The following FREM3 variants were observed in gnomAD, a reference collection of about 807,000 sequenced individuals.
FREM3 encodes the protein FRAS1-related extracellular matrix protein 3.
In FREM3, 105 loss-of-function variants were observed where a neutral mutation model predicts 129.1. The ratio of observed to expected loss-of-function variants is 0.81; its 90% CI spans 0.69 to 0.96. The LOEUF is 0.96. FREM3 is among the 40% of genes least tolerant of loss of function. The probability of loss-of-function intolerance (pLI) is 0.00; values close to 1 mark genes in which losing one functional copy is unlikely to be tolerated. For synonymous variants in FREM3, 1,014 were observed against 1,044.9 expected (o/e 0.97, Z 0.57); for missense variants, 2,593 against 2,666.3 (o/e 0.97, Z 0.61).
chr4:143,638,909 T>A (rs79411919), intron 2 of FREM3, among the ~76,000 whole-genome samples: 1 of 152,308 alleles, frequency 6.6e-6, no homozygotes, highest in South Asian at 2.1e-4. Flanking sequence ...AAGTACATCA[T>A]CTGCCCTTAG....
chr4:143,699,083 G>A lies in FREM3; in HGVS notation c.1593C>T (p.Leu531=). Residue 531 remains leucine (L), a synonymous_variant, in exon 1 of 8, where the codon CTC becomes CTT. Coordinates refer to ENST00000329798, the MANE Select transcript of FREM3 (RefSeq NM_001168235.2). The surrounding 1 kb of genome is among the most constrained non-coding windows in gnomAD (Gnocchi z 4.2). ...CCACAGGTAGGATGGTGAGGGGAAA[G>A]AGGAAGTCCACTTGGTGGTGCCCGT... is the stretch of plus-strand genomic sequence containing the variant. The part of the protein sequence containing the change: ...MEDGHHQVDF[L]FPLTILPVDD... 6.5e-7 allele frequency: 1 copy of A among 1,537,496 alleles called. No individual in the cohort carries two copies. Among genetic ancestry groups the A allele is most frequent in the Non-Finnish European group, 8.7e-7 (1 of 1,146,968 alleles).
chr4:143,652,686 A>G (rs910692212), intron 2 of FREM3, among the ~76,000 whole-genome samples: 1 of 152,146 alleles, frequency 6.6e-6, no homozygotes, highest in East Asian at 1.9e-4. Flanking sequence ...AGGCTGGAGT[A>G]CAGTGCGATC....
intron 7 of FREM3, among the ~76,000 whole-genome samples, chr4:143,580,381 C>T (rs1319071695): frequency 2.0e-5 from 3 of 152,172 alleles, no homozygotes; most frequent in Non-Finnish European, 2.9e-5. Context: ...CACAGTTCTT[C>T]CATGAACCTT....
At chr4:143,642,721 G>A (rs1199885141) in intron 2 of FREM3, among the ~76,000 whole-genome samples, 1 of 152,132 alleles carries the variant, frequency 6.6e-6, no homozygotes, top group Non-Finnish European at 1.5e-5. Context: ...ATAACATTGG[G>A]CTGGGAAAGG....
chr4:143,628,818 C>T (rs534690226), intron 2 of FREM3, among the ~76,000 whole-genome samples: 74 of 152,228 alleles, frequency 4.9e-4, no homozygotes, highest in African/African-American at 1.7e-3. Flanking sequence ...CTTGACATCT[C>T]CTTCTATAGT....
Position 143,604,833 on chromosome 4 carries a change from C to T in FREM3, c.6028+6446G>A, listed in dbSNP as rs188210390. Among the ~76,000 whole-genome samples, 598 of 152,304 alleles carry T rather than the reference C, an allele frequency of 3.9e-3. 10 individuals are homozygous for T. The highest frequency in any genetic ancestry group is 0.014 in the African/African-American group (590 of 41,564). On this transcript the variant is annotated intron_variant, in intron 6 of 7. Coordinates refer to ENST00000329798, the MANE Select transcript of FREM3 (RefSeq NM_001168235.2). ...TACAGAATCTGAATGCAAGTTCCCACAATCCAGTAATTATAAATAATGACT... is the reference window on the plus strand; with the variant it reads ...TACAGAATCTGAATGCAAGTTCCCATAATCCAGTAATTATAAATAATGACT...
chr4:143,582,898 C>CTT (rs35360267), intron 7 of FREM3, among the ~76,000 whole-genome samples: 152 of 147,778 alleles, frequency 1.0e-3, no homozygotes, highest in Middle Eastern at 6.9e-3. Context: ...AATTAATTTA[C>CTT]TTTTTTTTTT....
intron 2 of FREM3, among the ~76,000 whole-genome samples, chr4:143,669,670 ACCAC>A (rs1739932446): frequency 6.6e-6 from 1 of 151,802 alleles, no homozygotes; most frequent in Non-Finnish European, 1.5e-5. Context: ...AAAAAAAAAA[ACCAC>A]AAGTCACCTA....
At chr4:143,614,806 A>G (rs1281195504) in intron 5 of FREM3, among the ~76,000 whole-genome samples, 1 of 152,206 alleles carries the variant, frequency 6.6e-6, no homozygotes, top group African/African-American at 2.4e-5. Flanking sequence ...TATTCCCATC[A>G]TAGCCAACTT....
intron 6 of FREM3, among the ~76,000 whole-genome samples, chr4:143,588,153 A>G (rs1400406455): frequency 1.3e-5 from 2 of 152,120 alleles, no homozygotes; most frequent in Non-Finnish European, 2.9e-5. Context: ...ATACTGCCCA[A>G]ATGGTCTCCT....
chr4:143,700,205 C>A lies in FREM3; in HGVS notation c.471G>T (p.Thr157=). 6.5e-7 allele frequency: 1 copy of A among 1,536,984 alleles called. No homozygotes were observed. The highest frequency in any genetic ancestry group is 8.7e-7 in the Non-Finnish European group (1 of 1,146,902). ...GGGAGAAGACCAAGTCCACCGCCAG[C>A]GTGAAGGGCAGCACCAGAGTGTGAG... ...APTHTLVLPF[T]LAVDLVFSQL... Residue 157 remains threonine, a synonymous_variant, in exon 1 of 8, where the codon ACG becomes ACT. Coordinates refer to ENST00000329798, the MANE Select transcript of FREM3 (RefSeq NM_001168235.2).
intron 2 of FREM3, among the ~76,000 whole-genome samples, chr4:143,639,434 G>C (rs1051309493): frequency 6.6e-6 from 1 of 152,106 alleles, no homozygotes; most frequent in Non-Finnish European, 1.5e-5. Flanking sequence ...GCAGGGCATC[G>C]TTTCCCCATC....
chr4:143,635,376 T>C (rs1467526585), intron 2 of FREM3, among the ~76,000 whole-genome samples: 2 of 152,196 alleles, frequency 1.3e-5, no homozygotes, highest in African/African-American at 2.4e-5. Flanking sequence ...TAGCTACGTA[T>C]GTAGTTATAC....
chr4:143,616,197 G>C (rs539110897), intron 5 of FREM3, among the ~76,000 whole-genome samples: 20 of 152,276 alleles, frequency 1.3e-4, no homozygotes, highest in African/African-American at 4.8e-4. Context: ...TGCTAGGAGA[G>C]AATTACTACC....
intron 2 of FREM3, among the ~76,000 whole-genome samples, chr4:143,691,384 C>T (rs6537168): frequency 0.31 from 46,518 of 151,778 alleles, 7,389 homozygotes; most frequent in Middle Eastern, 0.36. Context: ...TGTAACCAAA[C>T]ACCACCTGTA....
chr4:143,663,574 C>G (rs1739785932), intron 2 of FREM3, among the ~76,000 whole-genome samples: 1 of 152,014 alleles, frequency 6.6e-6, no homozygotes, highest in African/African-American at 2.4e-5. Flanking sequence ...TGGAGTTGCT[C>G]TTCTCGAGGC....
intron 6 of FREM3, among the ~76,000 whole-genome samples, chr4:143,604,736 A>G (rs1476364682): frequency 6.6e-6 from 1 of 152,160 alleles, no homozygotes; most frequent in Non-Finnish European, 1.5e-5. Context: ...AACAAATCAC[A>G]CAGATGACCA....
rs201478543 is a variant in FREM3 at position 143,643,625 on chromosome 4, CAG to C, written c.5276-15867_5276-15866del. ...TTTTTAAAAGTTGGTGTCATAGAAACAGAGAGCAGAACAGTGGTTATCAGAGA... is the reference window on the plus strand; with the variant it reads ...TTTTTAAAAGTTGGTGTCATAGAAACAGAGCAGAACAGTGGTTATCAGAGA... On this transcript the variant is annotated intron_variant, in intron 2 of 7. Coordinates refer to ENST00000329798, the MANE Select transcript of FREM3 (RefSeq NM_001168235.2). 2.6e-5 allele frequency among the ~76,000 whole-genome samples: 4 copies of C among 151,662 alleles called. No homozygotes were observed. The South Asian group carries it at 8.3e-4, about 32-fold the overall frequency.
At position 143,697,323 on chromosome 4, in the gene FREM3, A is replaced by G. The variant is rs1740593339; in HGVS notation, c.3353T>C (p.Leu1118Pro). ...TVTSQPASGY[L>P]EKIASAPGSK... ...ACCAGGAGCTGATGCAATCTTTTCC[A>G]GGTAGCCAGAGGCTGGCTGACTAGT... The change falls in exon 1 of 8, where the codon CTG (leucine) becomes CCG (proline). Residue 1118 changes from leucine (L) to proline (P), a missense_variant. By Grantham distance (98) the Leu-to-Pro change is moderately conservative. Transcript: ENST00000329798. 6.5e-7 allele frequency: 1 copy of G among 1,537,172 alleles called. No individual in the cohort carries two copies. The highest frequency in any genetic ancestry group is 8.7e-7 in the Non-Finnish European group (1 of 1,146,806).
Sources: allele counts gnomAD v4.1 joint callset (sites outside exome capture counted in the v4.1 genomes callset), GRCh38; gene constraint gnomAD v4.1.1; non-coding constraint Gnocchi (gnomAD v3.1); transcripts MANE v1.5; gene names NCBI Gene and HGNC (gene_info 2026-07-23, HGNC 2026-07-21).